The following STXBP5 variants were observed in gnomAD, a reference collection of about 807,000 sequenced individuals.
The protein encoded by STXBP5 is syntaxin-binding protein 5.
Under a neutral mutation model 152.4 loss-of-function variants are expected in STXBP5, and 50 were observed. That is an observed-to-expected ratio of 0.33 (90% CI 0.26 to 0.42). The LOEUF (loss-of-function observed/expected upper bound fraction) is 0.42. STXBP5 is among the 10% of genes least tolerant of loss of function. The pLI, the probability that STXBP5 is intolerant of heterozygous loss-of-function variation, is 1.00. For missense variants in STXBP5, 1,167 were observed against 1,388.6 expected (o/e 0.84, Z 2.54); for synonymous variants, 492 against 494.7 (o/e 0.99, Z 0.07).
intron 2 of STXBP5, among the ~76,000 whole-genome samples, chr6:147,221,037 T>A (rs1332291052): frequency 6.6e-6 from 1 of 152,120 alleles, no homozygotes; most frequent in Admixed American, 6.5e-5. Context: ...TATCAGTTTC[T>A]TAGCATATCA....
At chr6:147,321,742 A>T (rs1782947361) in intron 16 of STXBP5, among the ~76,000 whole-genome samples, 1 of 152,252 alleles carries the variant, frequency 6.6e-6, no homozygotes, top group Non-Finnish European at 1.5e-5. Flanking sequence ...ATACGTTTGT[A>T]CAAATTATGG....
Position 147,387,128 on chromosome 6 carries a change from G to A in STXBP5, c.*2373G>A, listed in dbSNP as rs1786377762. On this transcript the variant is annotated 3_prime_UTR_variant, in exon 28 of 28. Transcript: ENST00000321680. ...CTCAGTTAGGATTAGAAAGCTTAAA[G>A]TATGTTTGAGTGTAGGAAATAAGCT... 1 of 151,636 alleles carries A rather than the reference G, an allele frequency of 6.6e-6. No individual in the cohort carries two copies. Among genetic ancestry groups the A allele is most frequent in the South Asian group, 2.1e-4 (1 of 4,826 alleles). The allele number at this position is 151,636 out of a possible 1,614,324, so 9.4% of individuals were successfully genotyped here. A position where few individuals can be genotyped will look rare whatever the true frequency, so the allele number is the denominator to read the frequency against.
intron 2 of STXBP5, among the ~76,000 whole-genome samples, chr6:147,208,087 A>G (rs1021581304): frequency 5.1e-4 from 78 of 152,296 alleles, no homozygotes; most frequent in African/African-American, 1.9e-3. Context: ...ATAGTTAAAT[A>G]TTATGTGAAT....
At position 147,305,594 on chromosome 6, in the gene STXBP5, A is replaced by G. The variant is rs537374185; in HGVS notation, c.918-4490A>G. Among the ~76,000 whole-genome samples the G allele has an allele frequency of 3.9e-5, 6 of 152,314 alleles. No individual in the cohort carries two copies. In the South Asian group the frequency reaches 1.2e-3, roughly 32 times the overall value. On this transcript the variant is annotated intron_variant, in intron 9 of 27. Transcript: ENST00000321680. Reference sequence around the variant, plus strand: ...TAAACTTTTTTATTTTGTGTGAAAAATAATTTAATACCAAATAGGAGAGTG... The same window carrying G: ...TAAACTTTTTTATTTTGTGTGAAAAGTAATTTAATACCAAATAGGAGAGTG...
chr6:147,319,517 G>GT (rs1782807306), intron 16 of STXBP5, among the ~76,000 whole-genome samples: 2 of 152,050 alleles, frequency 1.3e-5, no homozygotes, highest in South Asian at 4.1e-4. Context: ...TTCTGTTTTG[G>GT]TTTTTTGTAG....
chr6:147,233,286 G>A (rs1050622779), intron 2 of STXBP5, among the ~76,000 whole-genome samples: 5 of 151,438 alleles, frequency 3.3e-5, no homozygotes, highest in East Asian at 3.9e-4. Context: ...TGCTGCACTC[G>A]TATTGGTTGA....
rs1311999411 is a variant in STXBP5, at chr6:147,388,043, A to G, written c.*3288A>G. Reference sequence around the variant, plus strand: ...CATTAGAAAAGCTATATCCAAAGGTAAATTTTTTGTGGCAAAGATTTATTT... The same window carrying G: ...CATTAGAAAAGCTATATCCAAAGGTGAATTTTTTGTGGCAAAGATTTATTT... On this transcript the variant is annotated 3_prime_UTR_variant, in exon 28 of 28. Coordinates refer to ENST00000321680, the MANE Select transcript of STXBP5 (RefSeq NM_001127715.4). The G allele has an allele frequency of 6.6e-6, 1 of 151,840 alleles. No homozygotes were observed. Among genetic ancestry groups the G allele is most frequent in the Non-Finnish European group, 1.5e-5 (1 of 67,782 alleles). The allele number at this position is 151,840 out of a possible 1,614,324, so 9.4% of individuals were successfully genotyped here.
chr6:147,380,171 CGT>C, intron 26 of STXBP5, among the ~76,000 whole-genome samples: 1 of 93,424 alleles, frequency 1.1e-5, no homozygotes, highest in African/African-American at 4.2e-5. Context: ...AAAATAGCCA[CGT>C]ACACACACAC....
At chr6:147,233,655 C>T (rs1195731526) in intron 2 of STXBP5, among the ~76,000 whole-genome samples, 2 of 151,604 alleles carry the variant, frequency 1.3e-5, no homozygotes, top group Non-Finnish European at 3.0e-5. Context: ...ATTAGACTCA[C>T]TATACTGGGT....
intron 8 of STXBP5, among the ~76,000 whole-genome samples, chr6:147,280,203 T>G (rs1215166288): frequency 1.3e-5 from 2 of 152,166 alleles, no homozygotes; most frequent in Non-Finnish European, 2.9e-5. Flanking sequence ...GACTTTCATA[T>G]ATGATAAATT....
At chr6:147,383,102 A>G (rs920254982) in intron 27 of STXBP5, 104 bp downstream of exon 27, 50 of 1,320,714 alleles carry the variant, frequency 3.8e-5, no homozygotes, top group Non-Finnish European at 5.1e-5. Flanking sequence ...ATGAATTTGC[A>G]TATATTCATT....
intron 2 of STXBP5, among the ~76,000 whole-genome samples, chr6:147,225,204 G>A (rs1213447437): frequency 6.6e-6 from 1 of 151,986 alleles, no homozygotes; most frequent in African/African-American, 2.4e-5. Flanking sequence ...TGGTTTAGTA[G>A]GAGAATATCT....
rs181360453 is a variant in STXBP5, at chr6:147,263,911, C to G, written c.630+1558C>G. On this transcript the variant is annotated intron_variant, in intron 6 of 27. Transcript: ENST00000321680. Reference sequence around the variant, plus strand: ...TTGTATTAGAAATGTGTGCATATCTCAGCTCCCCTGAATTTGAAACTCGTT... The same window carrying G: ...TTGTATTAGAAATGTGTGCATATCTGAGCTCCCCTGAATTTGAAACTCGTT... 7.2e-5 allele frequency among the ~76,000 whole-genome samples: 11 copies of G among 152,026 alleles called. No homozygotes were observed. The East Asian group carries it at 1.5e-3, about 21-fold the overall frequency.
At position 147,389,475 on chromosome 6, in the gene STXBP5, C is replaced by T. The variant is rs1179750660; in HGVS notation, c.*4720C>T. 6.6e-6 allele frequency: 1 copy of T among 151,812 alleles called. No homozygotes were observed. Among genetic ancestry groups the T allele is most frequent in the Admixed American group, 6.6e-5 (1 of 15,206 alleles). 9.4% of individuals were successfully genotyped at this position (151,812 alleles called of 1,614,324 possible). ...AATTCAGTACAGTAGTCCAGGGCTA[C>T]ATGTAAGTGGTCTCTTTATTTTATT... On this transcript the variant is annotated 3_prime_UTR_variant, in exon 28 of 28. Coordinates refer to ENST00000321680, the MANE Select transcript of STXBP5 (RefSeq NM_001127715.4).
At chr6:147,233,879 TTAC>T (rs1303858275) in intron 2 of STXBP5, among the ~76,000 whole-genome samples, 1 of 149,726 alleles carries the variant, frequency 6.7e-6, no homozygotes, top group Non-Finnish European at 1.5e-5. Context: ...ACTACTACTA[TTAC>T]TACTACTACT....
chr6:147,372,005 TTAATA>T (rs1785563026), intron 25 of STXBP5, among the ~76,000 whole-genome samples: 2 of 152,284 alleles, frequency 1.3e-5, no homozygotes, highest in African/African-American at 4.8e-5. Flanking sequence ...GTTATAGAGT[TTAATA>T]TAAATTCAAT....
chr6:147,364,116 A>G lies in STXBP5; in HGVS notation c.3031A>G (p.Thr1011Ala). 1.2e-6 allele frequency: 2 copies of G among 1,613,924 alleles called. No individual in the cohort carries two copies. The highest frequency in any genetic ancestry group is 1.7e-4 in the Middle Eastern group (1 of 6,060). Residue 1011 changes from threonine (T) to alanine (A), a missense_variant, in exon 25 of 28, where the codon ACA (threonine) becomes GCA (alanine). Physicochemically the swap from Thr to Ala is moderately conservative, Grantham distance 58. Transcript: ENST00000321680. ...ACAAGCATTATACCTTGTTTCACCT[A>G]CAGAAATCCAGAGACTTACTTATAG... ...NGQALYLVSP[T>A]EIQRLTYSQE... is the part of the protein sequence containing the mutation.
chr6:147,384,791 G>C lies in STXBP5; in HGVS notation c.*36G>C. 2 of 1,592,856 alleles carry C rather than the reference G, an allele frequency of 1.3e-6. No homozygotes were observed. The highest frequency in any genetic ancestry group is 3.7e-5 in the Admixed American group (2 of 54,766). Reference sequence around the variant, plus strand: ...CCAATAAGTCCAACTTCAGCCAGAAGGAAAAAAGTTTTCCATTTTTATTAC... The same window carrying C: ...CCAATAAGTCCAACTTCAGCCAGAACGAAAAAAGTTTTCCATTTTTATTAC... On this transcript the variant is annotated 3_prime_UTR_variant, in exon 28 of 28. Transcript: ENST00000321680.
intron 2 of STXBP5, among the ~76,000 whole-genome samples, chr6:147,207,341 G>GTC (rs1410563472): frequency 6.6e-6 from 1 of 152,142 alleles, no homozygotes; most frequent in Non-Finnish European, 1.5e-5. Context: ...ACTAAGTGAA[G>GTC]TCTACTATAC....
Sources: gnomAD v4.1 joint callset for allele counts (sites outside exome capture counted in the v4.1 genomes callset) on GRCh38, gnomAD v4.1.1 for gene constraint, MANE v1.5 for transcripts, NCBI Gene and HGNC (gene_info 2026-07-23, HGNC 2026-07-21) for gene names.